Variants in ADGRL1 observed in about 807,000 individuals in gnomAD.
The protein encoded by ADGRL1 is CIRL-1.
A neutral mutation model predicts 148.9 loss-of-function variants in ADGRL1; 31 were observed. That is an observed-to-expected ratio of 0.21 (90% CI 0.16 to 0.28). The LOEUF (loss-of-function observed/expected upper bound fraction) is 0.28. ADGRL1 is among the 10% of genes least tolerant of loss of function. The pLI, the probability that ADGRL1 is intolerant of heterozygous loss-of-function variation, is 1.00. For synonymous variants in ADGRL1, 937 were observed against 900.3 expected (o/e 1.04, Z -0.73); for missense variants, 1,521 against 2,058.8 (o/e 0.74, Z 5.05).
chr19:14,161,282 C>A lies in ADGRL1; in HGVS notation c.1510+30G>T. 1 of 1,520,844 alleles carries A rather than the reference C, an allele frequency of 6.6e-7. No homozygotes were observed. Among genetic ancestry groups the A allele is most frequent in the Non-Finnish European group, 8.8e-7 (1 of 1,141,906 alleles). 94.2% of individuals were successfully genotyped at this position (1,520,844 alleles called of 1,614,324 possible). A position where few individuals can be genotyped will look rare whatever the true frequency, so the allele number is the denominator to read the frequency against. ...AAGCTGCTGGGGGCATGGCCCCCAT[C>A]CCTCCCCTGGCTGCAGCCTCTGTAC... On this transcript the variant is annotated intron_variant, in intron 6 of 22. Coordinates refer to ENST00000361434, the MANE Select transcript of ADGRL1 (RefSeq NM_014921.5). The surrounding 1 kb of genome is among the most constrained non-coding windows in gnomAD (Gnocchi z 4.4).
chr19:14,168,414 A>ATGTGTGCACACATGTCTGCGCGTGTGTG (rs1970184507), intron 4 of ADGRL1, among the ~76,000 whole-genome samples: 1 of 151,914 alleles, frequency 6.6e-6, no homozygotes, highest in Non-Finnish European at 1.5e-5. Context: ...TCCACCCCGT[A>ATGTGTGCACACATGTCTGCGCGTGTGTG]TGTGTGCACA....
rs554109894 is a variant in ADGRL1, at chr19:14,160,966, C to A, written c.1511-270G>T. On this transcript the variant is annotated intron_variant, in intron 6 of 22. Transcript: ENST00000361434. The surrounding 1 kb of genome is among the most constrained non-coding windows in gnomAD (Gnocchi z 5.9). ...GCCCATCTTGAACGCCCCCTCTCCA[C>A]GAAGCACCTGCCAACCCTCCCCTCA... is the stretch of plus-strand genomic sequence containing the variant. Among the ~76,000 whole-genome samples, 1 of 152,274 alleles carries A rather than the reference C, an allele frequency of 6.6e-6. No homozygotes were observed. The highest frequency in any genetic ancestry group is 1.9e-4 in the East Asian group (1 of 5,172).
At chr19:14,183,806 C>T (rs1971389528) in intron 1 of ADGRL1, 109 bp from the exon 2 acceptor site, 6 of 564,560 alleles carry the variant, frequency 1.1e-5, no homozygotes, top group East Asian at 3.1e-5. Context: ...GCACGTCCCT[C>T]GAGCCAGCCC....
Position 14,159,888 on chromosome 19 carries a change from G to C in ADGRL1, c.1801-115C>G, listed in dbSNP as rs1399824965. 1 of 1,083,904 alleles carries C rather than the reference G, an allele frequency of 9.2e-7. No individual in the cohort carries two copies. Among genetic ancestry groups the C allele is most frequent in the East Asian group, 2.4e-5 (1 of 42,158 alleles). The allele number at this position is 1,083,904 out of a possible 1,614,324, so 67.1% of individuals were successfully genotyped here. On this transcript the variant is annotated intron_variant, in intron 8 of 22. Transcript: ENST00000361434. The surrounding 1 kb of genome is among the most constrained non-coding windows in gnomAD (Gnocchi z 6.0). The stretch of plus-strand genomic sequence containing the variant: ...TGCGGTTACCACTGACCCAGGGCTG[G>C]GCTATCAGCAAGACATTCCTCAGGG...
rs1281660425 is a variant in ADGRL1, at chr19:14,158,332, G to A, written c.2364+6C>T. On this transcript the variant is annotated splice_donor_region_variant and intron_variant, in intron 12 of 22. Transcript: ENST00000361434. Reference sequence around the variant, plus strand: ...CCCATGGAGGGAGGGGGACGGCTCAGCTCACCTCCAGGTGGGCCACGGTGA... The same window carrying A: ...CCCATGGAGGGAGGGGGACGGCTCAACTCACCTCCAGGTGGGCCACGGTGA... 7.4e-6 allele frequency: 12 copies of A among 1,613,002 alleles called. No homozygotes were observed. The highest frequency in any genetic ancestry group is 3.3e-5 in the Admixed American group (2 of 60,020).
In ADGRL1 at chr19:14,150,902, C is replaced by T. The variant is rs779694675; in HGVS notation, c.4381G>A (p.Gly1461Arg). Residue 1461 changes from glycine to arginine, a missense_variant, in exon 23 of 23, where the codon GGG becomes AGG. Physicochemically the swap from Gly to Arg is moderately radical, Grantham distance 125 (BLOSUM62 -2). Coordinates refer to ENST00000361434, the MANE Select transcript of ADGRL1 (RefSeq NM_014921.5). ...GLEGPGPDGD[G>R]QMQLVTSL Reference sequence around the variant, plus strand: ...AGACTGGTGACCAGCTGCATCTGCCCGTCCCCATCGGGCCCTGGCCCCTCA... The same window carrying T: ...AGACTGGTGACCAGCTGCATCTGCCTGTCCCCATCGGGCCCTGGCCCCTCA... 31 of 1,612,286 alleles carry T rather than the reference C, an allele frequency of 1.9e-5. No homozygotes were observed. The highest frequency in any genetic ancestry group is 3.3e-5 in the South Asian group (3 of 91,030).
rs1968813896 is a variant in ADGRL1 at position 14,156,849 on chromosome 19, G to T, written c.2966+76C>A. On this transcript the variant is annotated intron_variant, in intron 15 of 22. Coordinates refer to ENST00000361434, the MANE Select transcript of ADGRL1 (RefSeq NM_014921.5). Reference sequence around the variant, plus strand: ...AGGAGGAGGAAGGGACTACCGCCCTGAGGGTCCTGGTCCAAGGGGTGCCGC... The same window carrying T: ...AGGAGGAGGAAGGGACTACCGCCCTTAGGGTCCTGGTCCAAGGGGTGCCGC... 6 of 1,549,072 alleles carry T rather than the reference G, an allele frequency of 3.9e-6. No individual in the cohort carries two copies. In the African/African-American group the frequency reaches 5.5e-5, roughly 14 times the overall value.
Position 14,195,658 on chromosome 19 carries a change from A to G in ADGRL1, c.-96+10327T>C, listed in dbSNP as rs536438469. On this transcript the variant is annotated intron_variant, in intron 1 of 22. Transcript: ENST00000361434. Reference sequence around the variant, plus strand: ...AAGCCCTCAGGCATCCGGCAGGTCCATAAGGAAGCCGCAGGCCCTGGGGTG... The same window carrying G: ...AAGCCCTCAGGCATCCGGCAGGTCCGTAAGGAAGCCGCAGGCCCTGGGGTG... Among the ~76,000 whole-genome samples, 42 of 152,276 alleles carry G rather than the reference A, an allele frequency of 2.8e-4. No homozygotes were observed. In the South Asian group the frequency reaches 6.0e-3, roughly 22 times the overall value.
chr19:14,158,948 C>T (rs1969057991), intron 11 of ADGRL1, 142 bp downstream of exon 11: 2 of 1,054,238 alleles, frequency 1.9e-6, no homozygotes, highest in Admixed American at 2.3e-5. Context: ...CTTCAGGGCC[C>T]ATGAATCCCC....
At position 14,160,411 on chromosome 19, in the gene ADGRL1, C is replaced by T. The variant is rs148960166; in HGVS notation, c.1615-114G>A. On this transcript the variant is annotated intron_variant, in intron 7 of 22. Coordinates refer to ENST00000361434, the MANE Select transcript of ADGRL1 (RefSeq NM_014921.5). This position sits in a 1 kb window ranked among gnomAD's most constrained non-coding sequence, Gnocchi z 5.9. ...CCTATCTCTCTCTCCACTTCCCCATCGCCATCTGCCCCTTCCCACCCCATC... is the reference window on the plus strand; with the variant it reads ...CCTATCTCTCTCTCCACTTCCCCATTGCCATCTGCCCCTTCCCACCCCATC... 8.3e-4 allele frequency: 874 copies of T among 1,051,514 alleles called. 5 individuals carry two copies. In the African/African-American group the frequency reaches 0.012, roughly 14 times the overall value. 65.1% of individuals were successfully genotyped at this position (1,051,514 alleles called of 1,614,324 possible).
In ADGRL1 at chr19:14,166,257, CA is replaced by C. The variant is rs540307731; in HGVS notation, c.395-2852del. Among the ~76,000 whole-genome samples the C allele has an allele frequency of 6.9e-4, 90 of 130,330 alleles. 1 individual carries two copies. The South Asian group carries it at 0.025, about 37-fold the overall frequency. 85.5% of individuals were successfully genotyped at this position (130,330 alleles called of 152,430 possible). On this transcript the variant is annotated intron_variant, in intron 4 of 22. Coordinates refer to ENST00000361434, the MANE Select transcript of ADGRL1 (RefSeq NM_014921.5). ...CCCCGCCCCCTCGCCCTCATTTTTT[CA>C]TTTTTTGGCAGGCTGCCCCCTCCCA...
chr19:14,194,382 A>G (rs1599512682), intron 1 of ADGRL1, among the ~76,000 whole-genome samples: 1 of 152,132 alleles, frequency 6.6e-6, no homozygotes, highest in Non-Finnish European at 1.5e-5. Context: ...TAAAGAAACC[A>G]TTTACAGGAA....
At chr19:14,184,199 T>C in intron 1 of ADGRL1, among the ~76,000 whole-genome samples, 1 of 152,046 alleles carries the variant, frequency 6.6e-6, no homozygotes, top group South Asian at 2.1e-4. Flanking sequence ...CTAATTAGAA[T>C]CCAGCTGGCG....
At chr19:14,192,975 C>T (rs1378688560) in intron 1 of ADGRL1, among the ~76,000 whole-genome samples, 2 of 152,184 alleles carry the variant, frequency 1.3e-5, no homozygotes, top group African/African-American at 4.8e-5. Context: ...TTACTGAAGA[C>T]AGGGGAGTGA....
intron 3 of ADGRL1, among the ~76,000 whole-genome samples, chr19:14,174,645 C>T (rs1361629378): frequency 6.6e-6 from 1 of 151,126 alleles, no homozygotes; most frequent in African/African-American, 2.4e-5. Context: ...AAGCGATTCT[C>T]CTGCCTCAGC....
chr19:14,164,882 C>T (rs966827442), intron 4 of ADGRL1, among the ~76,000 whole-genome samples: 28 of 152,148 alleles, frequency 1.8e-4, no homozygotes, highest in Middle Eastern at 3.2e-3. Context: ...GATGGCCGGG[C>T]CTCCCTCACC....
In ADGRL1 at chr19:14,163,043, G is replaced by A. The variant is rs1477345091; in HGVS notation, c.758C>T (p.Ser253Leu). 6.2e-7 allele frequency: 1 copy of A among 1,613,966 alleles called. No individual in the cohort carries two copies. The highest frequency in any genetic ancestry group is 8.5e-7 in the Non-Finnish European group (1 of 1,180,052). ...GGTCTTTCCGCCCCAGCGGTAGGGC[G>A]AGGTGTCATGGTAGTTGGCGGTATT... ...VINTANYHDTSPYRWGGKTDI... is the reference protein window; with the variant it reads ...VINTANYHDTLPYRWGGKTDI... The change falls in exon 5 of 23, where the codon TCG becomes TTG. Residue 253 changes from serine to leucine, a missense_variant. By Grantham distance (145) the Ser-to-Leu change is moderately radical (BLOSUM62 -2). This residue lies in a region of ADGRL1 where 334 missense variants were observed against 512.5 expected (regional missense o/e 0.65). Transcript: ENST00000361434.
intron 12 of ADGRL1, 48 bp from the exon 13 acceptor site, chr19:14,158,100 G>A (rs983178869): frequency 1.3e-6 from 2 of 1,596,630 alleles, no homozygotes; most frequent in African/African-American, 2.7e-5. Flanking sequence ...CAGAACCGGG[G>A]AGTCCCATTC....
rs531194329 is a variant in ADGRL1 at position 14,155,335 on chromosome 19, C to A, written c.3294+24G>T. ...GAAACGTCTCCAAGGGAGGCTGTGA[C>A]CCAGGACCCCGCCTCGACCTCACCT... On this transcript the variant is annotated intron_variant, in intron 18 of 22. Transcript: ENST00000361434. The surrounding 1 kb of genome is among the most constrained non-coding windows in gnomAD (Gnocchi z 5.0). 17 of 1,611,032 alleles carry A rather than the reference C, an allele frequency of 1.1e-5. No individual in the cohort carries two copies. The highest frequency in any genetic ancestry group is 2.2e-5 in the East Asian group (1 of 44,798).
Sources: gnomAD v4.1 joint callset for allele counts (sites outside exome capture counted in the v4.1 genomes callset) on GRCh38, gnomAD v4.1.1 for gene constraint, gnomAD v4.1.1 regional missense constraint, Gnocchi (gnomAD v3.1) non-coding constraint, MANE v1.5 for transcripts, NCBI Gene and HGNC (gene_info 2026-07-23, HGNC 2026-07-21) for gene names.